IQCM: variants seen among roughly 807,000 people sequenced by gnomAD.
IQCM encodes the protein IQ motif containing M.
In IQCM, 45 loss-of-function variants were observed where a neutral mutation model predicts 57.6. The ratio of observed to expected loss-of-function variants is 0.78; its 90% CI spans 0.62 to 1.00. The LOEUF is 1.00. IQCM is among the 50% of genes least tolerant of loss of function. IQCM has a pLI of 0.00. For synonymous variants in IQCM, 148 were observed against 158.9 expected, an observed-to-expected ratio of 0.93 and a Z score of 0.51; for missense variants, 468 against 511.6, an observed-to-expected ratio of 0.91 and a Z score of 0.82.
intron 5 of IQCM, among the ~76,000 whole-genome samples, chr4:149,708,595 T>C (rs1007234687): frequency 1.3e-5 from 2 of 151,982 alleles, no homozygotes; most frequent in Non-Finnish European, 2.9e-5. Flanking sequence ...TTTAAAGAAA[T>C]GCAAATTCCT....
intron 12 of IQCM, among the ~76,000 whole-genome samples, chr4:149,449,163 C>T (rs1736815811): frequency 6.7e-6 from 1 of 149,102 alleles, no homozygotes. Context: ...AAGGCTCCAC[C>T]AACTGTTCCC....
At position 149,728,042 on chromosome 4, in the gene IQCM, G is replaced by C. The variant is rs1235710305; in HGVS notation, c.385+5202C>G. 2.6e-5 allele frequency among the ~76,000 whole-genome samples: 4 copies of C among 152,298 alleles called. No individual in the cohort carries two copies. The East Asian group carries it at 7.7e-4, about 29-fold the overall frequency. ...CAGGACTTCCTCCCTCCCCTCACCA[G>C]AGCCAGTTGTTAAACATGTGCTAGC... On this transcript the variant is annotated intron_variant, in intron 5 of 13. Coordinates refer to ENST00000636793, the MANE Select transcript of IQCM (RefSeq NM_001363507.2).
At chr4:149,564,801 C>T (rs923296767) in intron 9 of IQCM, among the ~76,000 whole-genome samples, 1 of 108,878 alleles carries the variant, frequency 9.2e-6, no homozygotes, top group Non-Finnish European at 1.8e-5. Context: ...TGAGTTAATA[C>T]TTAATAAATT....
chr4:149,658,269 T>G (rs183140665), intron 7 of IQCM, among the ~76,000 whole-genome samples: 1 of 152,166 alleles, frequency 6.6e-6, no homozygotes, highest in Admixed American at 6.6e-5. Flanking sequence ...TTTTCCCCAA[T>G]GTGTGTTCTT....
chr4:149,740,006 T>C (rs902388626), intron 3 of IQCM, among the ~76,000 whole-genome samples: 1 of 152,128 alleles, frequency 6.6e-6, no homozygotes, highest in African/African-American at 2.4e-5. Context: ...GAATAAGCCA[T>C]CTCTTAATTA....
At chr4:149,755,246 A>G (rs1768852556) in intron 2 of IQCM, among the ~76,000 whole-genome samples, 1 of 152,144 alleles carries the variant, frequency 6.6e-6, no homozygotes, top group African/African-American at 2.4e-5. Flanking sequence ...AGTTATTCAA[A>G]TAAAACATAG....
intron 12 of IQCM, among the ~76,000 whole-genome samples, chr4:149,500,447 G>GA (rs771198045): frequency 3.3e-5 from 5 of 152,126 alleles, no homozygotes; most frequent in Non-Finnish European, 5.9e-5. Flanking sequence ...TTAAGTGTAT[G>GA]AAAAGAGTTC....
intron 5 of IQCM, among the ~76,000 whole-genome samples, chr4:149,730,822 T>G (rs1003597739): frequency 5.3e-5 from 8 of 152,204 alleles, no homozygotes; most frequent in African/African-American, 1.9e-4. Context: ...CTGCAAAAAC[T>G]ATATACATCA....
chr4:149,613,980 T>C (rs996923521), intron 8 of IQCM, among the ~76,000 whole-genome samples: 1 of 152,172 alleles, frequency 6.6e-6, no homozygotes, highest in African/African-American at 2.4e-5. Flanking sequence ...TGTTGGACAT[T>C]TGGGTTGGTT....
chr4:149,544,802 G>C (rs1429840653), intron 12 of IQCM, among the ~76,000 whole-genome samples: 1 of 152,146 alleles, frequency 6.6e-6, no homozygotes, highest in East Asian at 1.9e-4. Context: ...GGAAAGGATA[G>C]TTTTTACAAT....
At chr4:149,649,721 C>G (rs549082154) in intron 7 of IQCM, among the ~76,000 whole-genome samples, 1 of 152,220 alleles carries the variant, frequency 6.6e-6, no homozygotes, top group East Asian at 1.9e-4. Context: ...TCTTTGACTG[C>G]ATGGTAACAA....
At chr4:149,811,121 C>T (rs945884673) in intron 2 of IQCM, among the ~76,000 whole-genome samples, 1 of 152,116 alleles carries the variant, frequency 6.6e-6, no homozygotes, top group Non-Finnish European at 1.5e-5. Context: ...CAATTTAGAG[C>T]AAGCCTTTAA....
intron 8 of IQCM, among the ~76,000 whole-genome samples, chr4:149,595,843 CCT>C (rs1753726486): frequency 6.6e-6 from 1 of 152,132 alleles, no homozygotes. Flanking sequence ...GCCAGACCAG[CCT>C]CCACTTTGGA....
At chr4:149,481,703 T>TTTTTTTTTTTTTGTTTG (rs2149752807) in intron 12 of IQCM, among the ~76,000 whole-genome samples, 1 of 134,412 alleles carries the variant, frequency 7.4e-6, no homozygotes, top group African/African-American at 2.7e-5. Flanking sequence ...CCAGTTTTGT[T>TTTTTTTTTTTTTGTTTG]TTTTTTTTTT....
intron 12 of IQCM, among the ~76,000 whole-genome samples, chr4:149,523,863 T>C (rs2149836366): frequency 6.6e-6 from 1 of 152,254 alleles, no homozygotes; most frequent in Non-Finnish European, 1.5e-5. Context: ...ATTAACTTTC[T>C]CTGCAAAACC....
intron 12 of IQCM, among the ~76,000 whole-genome samples, chr4:149,547,307 A>C (rs954362801): frequency 4.6e-5 from 7 of 152,208 alleles, no homozygotes; most frequent in Non-Finnish European, 8.8e-5. Context: ...ACTGGTATTC[A>C]GTCTTTAAAA....
chr4:149,686,904 A>G (rs1762580803), intron 5 of IQCM, among the ~76,000 whole-genome samples: 1 of 151,636 alleles, frequency 6.6e-6, no homozygotes, highest in Admixed American at 6.6e-5. Flanking sequence ...AAAGTGCTCC[A>G]GAAATCTCAT....
chr4:149,758,278 G>A (rs1273493765), intron 2 of IQCM, among the ~76,000 whole-genome samples: 2 of 152,128 alleles, frequency 1.3e-5, no homozygotes, highest in African/African-American at 4.8e-5. Context: ...ACATCCAGAT[G>A]CAAAAACAAA....
At chr4:149,582,279 T>C (rs928205916) in intron 9 of IQCM, among the ~76,000 whole-genome samples, 1 of 105,606 alleles carries the variant, frequency 9.5e-6, no homozygotes, top group Non-Finnish European at 2.1e-5. Flanking sequence ...TTTAGATGGG[T>C]CAGTCAATCC....
Sources: gnomAD v4.1 joint callset for allele counts (sites outside exome capture counted in the v4.1 genomes callset) on GRCh38, gnomAD v4.1.1 for gene constraint, MANE v1.5 for transcripts, NCBI Gene and HGNC (gene_info 2026-07-23, HGNC 2026-07-21) for gene names.